The following METTL21C variants were observed in gnomAD, a reference collection of about 807,000 sequenced individuals.
METTL21C encodes the protein protein-lysine methyltransferase METTL21C.
A neutral mutation model predicts 25.9 loss-of-function variants in METTL21C; 21 were observed. The observed-to-expected ratio is 0.81, with a 90% CI of 0.58 to 1.17. The LOEUF (loss-of-function observed/expected upper bound fraction) is 1.17. Among genes scored for constraint, METTL21C ranks in the 50% most tolerant of loss-of-function variants. METTL21C has a pLI of 0.00. For missense variants in METTL21C, 312 were observed against 315.1 expected, an observed-to-expected ratio of 0.99 and a Z score of 0.07; for synonymous variants, 125 against 124.7, an observed-to-expected ratio of 1.00 and a Z score of -0.01.
At chr13:102,698,797 G>A (rs991658360), upstream of METTL21C, among the ~76,000 whole-genome samples, 20 of 152,214 alleles carry the variant, frequency 1.3e-4, no homozygotes, top group Admixed American at 1.3e-3. Context: ...CTGTCTCAGT[G>A]CATTGGCCTG....
rs535694708 is a variant in METTL21C at position 102,693,421 on chromosome 13, G to GC, written c.130+947dup. Among the ~76,000 whole-genome samples the GC allele has an allele frequency of 5.3e-5, 8 of 152,274 alleles. No individual in the cohort carries two copies. The South Asian group carries it at 1.7e-3, about 32-fold the overall frequency. Reference sequence around the variant, plus strand: ...CTCAGAGCATCAGGGACCTGTACCAGCCCCTGCCGGCTTCCCTGCCCTGCC... The same window carrying GC: ...CTCAGAGCATCAGGGACCTGTACCAGCCCCCTGCCGGCTTCCCTGCCCTGCC... On this transcript the variant is annotated intron_variant, in intron 1 of 3. Coordinates refer to ENST00000267273, the MANE Select transcript of METTL21C (RefSeq NM_001010977.3).
Position 102,686,432 on chromosome 13 carries a change from G to C in METTL21C, c.401-7C>G. 2 of 1,599,470 alleles carry C rather than the reference G, an allele frequency of 1.3e-6. No homozygotes were observed. The highest frequency in any genetic ancestry group is 1.7e-6 in the Non-Finnish European group (2 of 1,173,694). On this transcript the variant is annotated splice_region_variant and splice_polypyrimidine_tract_variant and intron_variant, in intron 3 of 3. Coordinates refer to ENST00000267273, the MANE Select transcript of METTL21C (RefSeq NM_001010977.3). ...GTTGCTGTGACTTGAGCTCCTAAGA[G>C]AAAAAGAAAACAATGACCTGGAAAC...
chr13:102,698,217 T>C (rs1345430327), upstream of METTL21C, among the ~76,000 whole-genome samples: 1 of 152,182 alleles, frequency 6.6e-6, no homozygotes, highest in Admixed American at 6.5e-5. Context: ...ACAGGGTTCT[T>C]TGGAAGGGTT....
At chr13:102,690,719 A>T in intron 2 of METTL21C, 94 bp downstream of exon 2, 5 of 1,433,558 alleles carry the variant, frequency 3.5e-6, no homozygotes, top group Non-Finnish European at 4.7e-6. Context: ...GAAGCAGGAT[A>T]TGAAGGAACT....
At position 102,694,357 on chromosome 13, in the gene METTL21C, G is replaced by A; in HGVS notation, c.130+12C>T. ...TGAGGAAAACTGTTGAAGTGATGAA[G>A]AAGGAGGTTACCTTCTAGGACTCCC... On this transcript the variant is annotated intron_variant, in intron 1 of 3. Transcript: ENST00000267273. The A allele has an allele frequency of 6.2e-7, 1 of 1,600,332 alleles. No individual in the cohort carries two copies. The highest frequency in any genetic ancestry group is 1.7e-4 in the Middle Eastern group (1 of 6,008).
chr13:102,689,326 C>G (rs1417691085), intron 2 of METTL21C, among the ~76,000 whole-genome samples: 3 of 152,158 alleles, frequency 2.0e-5, no homozygotes, highest in African/African-American at 7.2e-5. Context: ...TGGTGATTTT[C>G]AAACTCGTTT....
intron 2 of METTL21C, among the ~76,000 whole-genome samples, chr13:102,688,924 C>T (rs1885751321): frequency 1.3e-5 from 2 of 152,160 alleles, no homozygotes; most frequent in Admixed American, 1.3e-4. Flanking sequence ...CACAGAGTTG[C>T]ACCTGAAGTC....
upstream of METTL21C, among the ~76,000 whole-genome samples, chr13:102,697,129 A>G (rs752215317): frequency 5.3e-5 from 8 of 152,266 alleles, no homozygotes; most frequent in Non-Finnish European, 1.2e-4. Flanking sequence ...TACATAATGG[A>G]AAGTGGGCCA....
At chr13:102,697,687 C>G (rs774636207), upstream of METTL21C, among the ~76,000 whole-genome samples, 3 of 152,096 alleles carry the variant, frequency 2.0e-5, no homozygotes, top group Non-Finnish European at 4.4e-5. Context: ...CCAGAAGCCC[C>G]CATCTTACTT....
chr13:102,686,143 C>T lies in METTL21C; in HGVS notation c.683G>A (p.Ser228Asn). Residue 228 changes from serine (S) to asparagine (N), a missense_variant, in exon 4 of 4, where the codon AGC becomes AAC. By Grantham distance (46) the Ser-to-Asn change is conservative. Coordinates refer to ENST00000267273, the MANE Select transcript of METTL21C (RefSeq NM_001010977.3). ...VLLWANKFRF[S>N]TDYEFLDKFK... ...TTTATCTAAAAATTCATAGTCGGTG[C>T]TGAACCTGAATTTGTTTGCCCAAAG... 6.2e-7 allele frequency: 1 copy of T among 1,614,184 alleles called. No homozygotes were observed. The highest frequency in any genetic ancestry group is 1.1e-5 in the South Asian group (1 of 91,080).
At position 102,685,959 on chromosome 13, in the gene METTL21C, T is replaced by A; in HGVS notation, c.*72A>T. ...TACCTTCTCAATCCTGTGAAAGAAG[T>A]CTATTACCAAAGCAATTTCTAACAC... On this transcript the variant is annotated 3_prime_UTR_variant, in exon 4 of 4. Coordinates refer to ENST00000267273, the MANE Select transcript of METTL21C (RefSeq NM_001010977.3). 6.8e-7 allele frequency: 1 copy of A among 1,464,300 alleles called. No homozygotes were observed. Among genetic ancestry groups the A allele is most frequent in the Non-Finnish European group, 9.2e-7 (1 of 1,090,228 alleles). 90.7% of individuals were successfully genotyped at this position (1,464,300 alleles called of 1,614,324 possible). A position where few individuals can be genotyped will look rare whatever the true frequency, so the allele number is the denominator to read the frequency against.
At chr13:102,687,481 T>C (rs1210383239) in intron 2 of METTL21C, among the ~76,000 whole-genome samples, 1 of 152,260 alleles carries the variant, frequency 6.6e-6, no homozygotes, top group African/African-American at 2.4e-5. Flanking sequence ...TTTTTTAAAA[T>C]GTCAATTTAT....
At chr13:102,692,485 T>C (rs1489093247) in intron 1 of METTL21C, among the ~76,000 whole-genome samples, 1 of 152,232 alleles carries the variant, frequency 6.6e-6, no homozygotes, top group Admixed American at 6.5e-5. Context: ...GAGCTTGTAT[T>C]TTATATGTCT....
At chr13:102,687,186 C>T in intron 2 of METTL21C, 129 bp from the exon 3 acceptor site, 1 of 675,286 alleles carries the variant, frequency 1.5e-6, no homozygotes, top group Non-Finnish European at 2.6e-6. Context: ...TTCATAAGAA[C>T]CCAAATGTAC....
intron 1 of METTL21C, 24 bp from the exon 2 acceptor site, chr13:102,690,988 G>A: frequency 1.2e-6 from 2 of 1,612,438 alleles, no homozygotes; most frequent in Admixed American, 1.7e-5. Context: ...AAATAAAATG[G>A]AGTTCATGAT....
the METTL21C span, among the ~76,000 whole-genome samples, chr13:102,703,366 G>A: frequency 2.0e-5 from 3 of 152,194 alleles, no homozygotes; most frequent in Admixed American, 6.5e-5. Flanking sequence ...AAATCTCAAG[G>A]TGCTGCCACA....
upstream of METTL21C, among the ~76,000 whole-genome samples, chr13:102,698,542 C>T (rs1885983517): frequency 6.6e-6 from 1 of 152,124 alleles, no homozygotes; most frequent in African/African-American, 2.4e-5. Context: ...TAAAACCACC[C>T]ACATCAGCAG....
upstream of METTL21C, among the ~76,000 whole-genome samples, chr13:102,699,203 C>T (rs1421050185): frequency 1.3e-5 from 2 of 152,278 alleles, no homozygotes; most frequent in Admixed American, 1.3e-4. Flanking sequence ...TCCTTATTTG[C>T]ATAAATACAA....
chr13:102,687,629 C>T (rs1395267996), intron 2 of METTL21C, among the ~76,000 whole-genome samples: 1 of 152,184 alleles, frequency 6.6e-6, no homozygotes, highest in Non-Finnish European at 1.5e-5. Flanking sequence ...GCTTCTCAGA[C>T]TTCAGTGTGC....
Sources: gnomAD v4.1 joint callset for allele counts (sites outside exome capture counted in the v4.1 genomes callset) on GRCh38, gnomAD v4.1.1 for gene constraint, MANE v1.5 for transcripts, NCBI Gene and HGNC (gene_info 2026-07-23, HGNC 2026-07-21) for gene names.